BCL2L1: variants seen among roughly 807,000 people sequenced by gnomAD.
BCL2L1 encodes the protein BCL2 like 1.
BCL2L1 carries 1 observed loss-of-function variant against 18.7 expected under a neutral mutation model. The ratio of observed to expected loss-of-function variants is 0.05; its 90% CI spans 0.02 to 0.25. The LOEUF (loss-of-function observed/expected upper bound fraction) is 0.25. Ranked by LOEUF, BCL2L1 falls within the 10% of genes least tolerant of loss-of-function variation. The probability of loss-of-function intolerance (pLI) is 1.00; values close to 1 mark genes in which losing one functional copy is unlikely to be tolerated. For synonymous variants in BCL2L1, 103 were observed against 122.7 expected (o/e 0.84, Z 1.06); for missense variants, 207 against 304.9 (o/e 0.68, Z 2.39).
intron 2 of BCL2L1, among the ~76,000 whole-genome samples, chr20:31,695,587 G>A (rs1005615133): frequency 3.9e-5 from 6 of 152,174 alleles, no homozygotes; most frequent in Non-Finnish European, 7.3e-5. Flanking sequence ...CTGCCTCAGT[G>A]TCCCGAGTAG....
intron 2 of BCL2L1, among the ~76,000 whole-genome samples, chr20:31,692,897 T>A (rs1008353237): frequency 2.0e-5 from 3 of 149,516 alleles, no homozygotes; most frequent in Non-Finnish European, 4.5e-5. Flanking sequence ...GGCGACAGAG[T>A]GAGACTCGGT....
chr20:31,714,273 G>A (rs1485743977), intron 2 of BCL2L1, among the ~76,000 whole-genome samples: 1 of 152,194 alleles, frequency 6.6e-6, no homozygotes, highest in East Asian at 1.9e-4. Context: ...CTGGGGACTG[G>A]GGGTGAAGTG....
intron 2 of BCL2L1, among the ~76,000 whole-genome samples, chr20:31,693,952 T>C (rs1048470047): frequency 6.8e-6 from 1 of 147,652 alleles, no homozygotes; most frequent in Non-Finnish European, 1.5e-5. Flanking sequence ...TAAATTTCTT[T>C]AAAAAAAAAA....
At chr20:31,680,553 G>C (rs1164658408) in intron 2 of BCL2L1, among the ~76,000 whole-genome samples, 1 of 152,134 alleles carries the variant, frequency 6.6e-6, no homozygotes, top group Non-Finnish European at 1.5e-5. Flanking sequence ...ACGTAGCTTT[G>C]GTGAAGCTAT....
intron 2 of BCL2L1, among the ~76,000 whole-genome samples, chr20:31,670,332 T>C (rs1466586153): frequency 6.6e-6 from 1 of 152,190 alleles, no homozygotes; most frequent in Non-Finnish European, 1.5e-5. Context: ...TTCCACACTA[T>C]GAAGAGCATA....
chr20:31,667,992 C>T (rs2060612269), intron 2 of BCL2L1, among the ~76,000 whole-genome samples: 1 of 152,232 alleles, frequency 6.6e-6, no homozygotes, highest in Middle Eastern at 3.4e-3. Context: ...AAATAAAGTC[C>T]CCACTCCTTA....
rs375927969 is a variant in BCL2L1, at chr20:31,687,378, G to A, written c.565-21292C>T. ...GAACGGAGAAAATTCTCGGTCGGGC[G>A]CGGTGGCTCACGCCTGTAATCCCAG... On this transcript the variant is annotated intron_variant, in intron 2 of 2. Coordinates refer to ENST00000307677, the MANE Select transcript of BCL2L1 (RefSeq NM_138578.3). Among the ~76,000 whole-genome samples, 17 of 151,754 alleles carry A rather than the reference G, an allele frequency of 1.1e-4. No individual in the cohort carries two copies. In the South Asian group the frequency reaches 2.5e-3, roughly 22 times the overall value.
At chr20:31,704,713 C>G (rs950664629) in intron 2 of BCL2L1, among the ~76,000 whole-genome samples, 7 of 152,142 alleles carry the variant, frequency 4.6e-5, no homozygotes, top group African/African-American at 1.7e-4. Context: ...GTGGAAGTTT[C>G]TGCCAATGAC....
intron 2 of BCL2L1, among the ~76,000 whole-genome samples, chr20:31,667,191 T>TG (rs2060600852): frequency 6.6e-6 from 1 of 152,226 alleles, no homozygotes. Context: ...CTGGGTGCGG[T>TG]GGCTCATGCC....
chr20:31,717,522 C>T (rs933079831), intron 2 of BCL2L1, among the ~76,000 whole-genome samples: 9 of 152,210 alleles, frequency 5.9e-5, no homozygotes, highest in African/African-American at 2.2e-4. Context: ...CAAATGTACA[C>T]TCAGAAGAAG....
intron 2 of BCL2L1, among the ~76,000 whole-genome samples, chr20:31,691,022 T>G: frequency 6.7e-6 from 1 of 149,338 alleles, no homozygotes; most frequent in African/African-American, 2.5e-5. Context: ...CATGGTGACA[T>G]ATGCCTGTAA....
intron 2 of BCL2L1, among the ~76,000 whole-genome samples, chr20:31,699,419 G>A (rs906147809): frequency 2.0e-5 from 3 of 152,170 alleles, no homozygotes; most frequent in African/African-American, 7.2e-5. Flanking sequence ...CAGGAAACAG[G>A]GGATACTCAG....
intron 2 of BCL2L1, among the ~76,000 whole-genome samples, chr20:31,685,350 A>G (rs2060938287): frequency 6.6e-6 from 1 of 151,788 alleles, no homozygotes; most frequent in Non-Finnish European, 1.5e-5. Flanking sequence ...CAGTGAGCTG[A>G]GATCGTGCCA....
At chr20:31,666,364 G>A (rs1455232773) in intron 2 of BCL2L1, among the ~76,000 whole-genome samples, 1 of 152,148 alleles carries the variant, frequency 6.6e-6, no homozygotes, top group Non-Finnish European at 1.5e-5. Flanking sequence ...ATCCAAGGTG[G>A]GAACGAGATG....
At chr20:31,700,848 C>A (rs1277274999) in intron 2 of BCL2L1, among the ~76,000 whole-genome samples, 1 of 152,192 alleles carries the variant, frequency 6.6e-6, no homozygotes, top group Non-Finnish European at 1.5e-5. Flanking sequence ...AAACCTTCTA[C>A]AGAAAAGACT....
At chr20:31,710,278 G>A (rs528048112) in intron 2 of BCL2L1, among the ~76,000 whole-genome samples, 20 of 152,306 alleles carry the variant, frequency 1.3e-4, no homozygotes, top group Non-Finnish European at 2.1e-4. Context: ...GGTGATATCT[G>A]AGTTGATACC....
intron 2 of BCL2L1, among the ~76,000 whole-genome samples, chr20:31,673,068 C>CTTT (rs906594378): frequency 1.7e-4 from 20 of 118,236 alleles, no homozygotes; most frequent in Non-Finnish European, 2.8e-4. Flanking sequence ...GGTGTCCTTG[C>CTTT]TTTTTTTTTT....
At chr20:31,692,501 C>T (rs1318488692) in intron 2 of BCL2L1, among the ~76,000 whole-genome samples, 2 of 152,234 alleles carry the variant, frequency 1.3e-5, no homozygotes, top group African/African-American at 4.8e-5. Flanking sequence ...ACAGGCTGGG[C>T]GCAGTGGCTC....
In BCL2L1 at chr20:31,665,262, A is replaced by G. The variant is rs2060570005; in HGVS notation, c.*687T>C. 1 of 158,972 alleles carries G rather than the reference A, an allele frequency of 6.3e-6. No homozygotes were observed. The highest frequency in any genetic ancestry group is 2.4e-5 in the African/African-American group (1 of 41,580). The allele number at this position is 158,972 out of a possible 1,614,324, so 9.8% of individuals were successfully genotyped here. A position where few individuals can be genotyped will look rare whatever the true frequency, so the allele number is the denominator to read the frequency against. ...CTGCAAGGGCCACCCTAGCTTTGGC[A>G]TGGGGTGCTTCCTGTAGCTATAGCC... is the stretch of plus-strand genomic sequence containing the variant. On this transcript the variant is annotated 3_prime_UTR_variant, in exon 3 of 3. Transcript: ENST00000307677.
Sources: allele counts gnomAD v4.1 joint callset (sites outside exome capture counted in the v4.1 genomes callset), GRCh38; gene constraint gnomAD v4.1.1; transcripts MANE v1.5; gene names NCBI Gene and HGNC (gene_info 2026-07-23, HGNC 2026-07-21).